The following RFWD3 variants were observed in gnomAD, a reference collection of about 807,000 sequenced individuals.
RFWD3 encodes ring finger and WD repeat domain 3.
A neutral mutation model predicts 87.7 loss-of-function variants in RFWD3; 65 were observed. That is an observed-to-expected ratio of 0.74 (90% CI 0.61 to 0.91). The LOEUF is 0.91. Ranked by LOEUF, RFWD3 falls within the 40% of genes least tolerant of loss-of-function variation. RFWD3 has a pLI of 0.00. For synonymous variants in RFWD3, 433 were observed against 352.8 expected, an observed-to-expected ratio of 1.23 and a Z score of -2.55; for missense variants, 1,078 against 938.5, an observed-to-expected ratio of 1.15 and a Z score of -1.94.
chr16:74,627,728 G>GC, intron 11 of RFWD3, among the ~76,000 whole-genome samples: 1 of 152,302 alleles, frequency 6.6e-6, no homozygotes, highest in South Asian at 2.1e-4. Flanking sequence ...GGTCAGGCAG[G>GC]CATTAGGCCA....
chr16:74,640,799 C>A (rs751239938), intron 6 of RFWD3, among the ~76,000 whole-genome samples: 3 of 151,664 alleles, frequency 2.0e-5, no homozygotes, highest in African/African-American at 7.3e-5. Context: ...ATTAGCCAGG[C>A]GTGGTGGCGG....
intron 2 of RFWD3, among the ~76,000 whole-genome samples, chr16:74,659,373 A>T (rs1292878978): frequency 6.6e-6 from 1 of 152,070 alleles, no homozygotes; most frequent in Non-Finnish European, 1.5e-5. Context: ...AGGTGCCTTC[A>T]CCTATAACAC....
chr16:74,644,768 G>A, intron 4 of RFWD3, 33 bp from the exon 5 acceptor site: 1 of 1,562,610 alleles, frequency 6.4e-7, no homozygotes, highest in Non-Finnish European at 8.7e-7. Flanking sequence ...TCAAATTAGA[G>A]AAAATGTAAA....
intron 2 of RFWD3, among the ~76,000 whole-genome samples, chr16:74,657,019 T>A (rs962639019): frequency 2.0e-5 from 3 of 152,188 alleles, no homozygotes; most frequent in African/African-American, 7.2e-5. Context: ...TCCCACTGAA[T>A]ATCCATTACC....
chr16:74,638,130 A>C (rs1959309399), intron 6 of RFWD3, among the ~76,000 whole-genome samples, 160 bp from the exon 7 acceptor site: 1 of 152,196 alleles, frequency 6.6e-6, no homozygotes, highest in African/African-American at 2.4e-5. Flanking sequence ...CTCCAGAAAC[A>C]GGTTTTAGGG....
intron 2 of RFWD3, among the ~76,000 whole-genome samples, chr16:74,656,310 A>T (rs993711441): frequency 3.6e-5 from 4 of 111,622 alleles, no homozygotes; most frequent in African/African-American, 1.2e-4. Context: ...TGTCTTGCCA[A>T]AAAAAAAAAA....
In RFWD3 at chr16:74,661,287, G is replaced by C. The variant is rs765021943; in HGVS notation, c.163C>G (p.Pro55Ala). Residue 55 changes from proline (P) to alanine (A), a missense_variant, in exon 2 of 13, where the codon CCA becomes GCA. Transcript: ENST00000361070. The part of the protein sequence containing the change: ...SSQGVPSILQ[P>A]APAEVISSQA... ...CTGCTGATCACCTCAGCAGGAGCTG[G>C]CTGGAGGATGGATGGTACCCCCTGG... is the stretch of plus-strand genomic sequence containing the variant. 1.1e-5 allele frequency: 17 copies of C among 1,614,058 alleles called. No individual in the cohort carries two copies. The Admixed American group carries it at 2.7e-4, about 25-fold the overall frequency.
intron 1 of RFWD3, among the ~76,000 whole-genome samples, chr16:74,663,460 G>C (rs889712144): frequency 6.6e-6 from 1 of 152,166 alleles, no homozygotes; most frequent in African/African-American, 2.4e-5. Flanking sequence ...GGCAACATGA[G>C]GATGACAGGT....
chr16:74,630,154 G>T (rs1248399699), intron 10 of RFWD3, among the ~76,000 whole-genome samples: 1 of 151,966 alleles, frequency 6.6e-6, no homozygotes, highest in Non-Finnish European at 1.5e-5. Flanking sequence ...GGAGTGCAAC[G>T]GCGCAATCTC....
chr16:74,648,143 T>C (rs1358505495), intron 4 of RFWD3, among the ~76,000 whole-genome samples: 1 of 152,074 alleles, frequency 6.6e-6, no homozygotes, highest in Non-Finnish European at 1.5e-5. Flanking sequence ...CACATTTATG[T>C]CTATTTTTTC....
chr16:74,634,962 T>C (rs4531752), intron 8 of RFWD3, among the ~76,000 whole-genome samples: 19,041 of 151,812 alleles, frequency 0.13, 1,451 homozygotes, highest in Admixed American at 0.23. Flanking sequence ...ACCAAAATGT[T>C]AAAACCCCAT....
intron 2 of RFWD3, among the ~76,000 whole-genome samples, chr16:74,659,728 C>A (rs187471619): frequency 9.5e-4 from 145 of 152,326 alleles, no homozygotes; most frequent in Admixed American, 1.8e-3. Flanking sequence ...TTAAAATCAG[C>A]AGGATCCATG....
intron 10 of RFWD3, among the ~76,000 whole-genome samples, chr16:74,630,547 G>C (rs534521820): frequency 1.3e-4 from 20 of 152,208 alleles, no homozygotes; most frequent in Non-Finnish European, 2.6e-4. Flanking sequence ...CATGTTAGAT[G>C]ATTACTATGA....
At chr16:74,640,200 T>C (rs1959511539) in intron 6 of RFWD3, among the ~76,000 whole-genome samples, 1 of 151,312 alleles carries the variant, frequency 6.6e-6, no homozygotes, top group Non-Finnish European at 1.5e-5. Context: ...TGGAGTGCAG[T>C]GGCGTGATCT....
intron 7 of RFWD3, 136 bp downstream of exon 7, chr16:74,637,720 A>G: frequency 1.6e-6 from 1 of 611,968 alleles, no homozygotes; most frequent in African/African-American, 1.8e-5. Context: ...ATCAGAAATA[A>G]AATAAGGAGT....
intron 7 of RFWD3, among the ~76,000 whole-genome samples, 181 bp downstream of exon 7, chr16:74,637,675 A>G (rs1244977111): frequency 6.6e-6 from 1 of 152,230 alleles, no homozygotes; most frequent in Non-Finnish European, 1.5e-5. Flanking sequence ...AGACCTCATC[A>G]TAAAGTGTGT....
chr16:74,658,189 A>G (rs1961147186), intron 2 of RFWD3, among the ~76,000 whole-genome samples: 1 of 152,206 alleles, frequency 6.6e-6, no homozygotes, highest in African/African-American at 2.4e-5. Flanking sequence ...CTGTAGTCCT[A>G]GACTCCGTAT....
intron 6 of RFWD3, among the ~76,000 whole-genome samples, chr16:74,638,271 T>G (rs1356962150): frequency 1.3e-5 from 2 of 152,078 alleles, no homozygotes; most frequent in African/African-American, 4.8e-5. Flanking sequence ...TAAACTGACA[T>G]GTTAAAAGGC....
chr16:74,636,875 T>C (rs1597423298), intron 7 of RFWD3, among the ~76,000 whole-genome samples: 1 of 152,062 alleles, frequency 6.6e-6, no homozygotes, highest in East Asian at 1.9e-4. Context: ...CATGCCCGGC[T>C]AATTTTTAAA....
Sources: allele counts gnomAD v4.1 joint callset (sites outside exome capture counted in the v4.1 genomes callset), GRCh38; gene constraint gnomAD v4.1.1; transcripts MANE v1.5; gene names NCBI Gene and HGNC (gene_info 2026-07-23, HGNC 2026-07-21).